FNBP1: variants seen among roughly 807,000 people sequenced by gnomAD.
The protein encoded by FNBP1 is formin binding protein 1.
FNBP1 carries 26 observed loss-of-function variants against 90.6 expected under a neutral mutation model. The ratio of observed to expected loss-of-function variants is 0.29; its 90% confidence interval spans 0.21 to 0.40. The LOEUF (loss-of-function observed/expected upper bound fraction) is 0.40, where lower values mean the gene tolerates loss of function less well. Among genes scored for constraint, FNBP1 ranks in the 10% least tolerant of loss-of-function variants. FNBP1 has a pLI of 1.00. For missense variants in FNBP1, 635 were observed against 768.0 expected, an observed-to-expected ratio of 0.83 and a Z score of 2.05; for synonymous variants, 260 against 265.2, an observed-to-expected ratio of 0.98 and a Z score of 0.19.
At chr9:129,897,788 C>T (rs1345438828) in intron 15 of FNBP1, among the ~76,000 whole-genome samples, 2 of 151,884 alleles carry the variant, frequency 1.3e-5, no homozygotes, top group South Asian at 2.1e-4. Context: ...TGCAGGACAT[C>T]GTTTCAAGGT....
At chr9:130,047,148 A>G (rs2060065166), upstream of FNBP1, among the ~76,000 whole-genome samples, 1 of 152,054 alleles carries the variant, frequency 6.6e-6, no homozygotes, top group Non-Finnish European at 1.5e-5. Flanking sequence ...GCACCATTAG[A>G]CTATGGCCAG....
At chr9:129,905,941 T>C (rs775252541) in intron 12 of FNBP1, among the ~76,000 whole-genome samples, 9 of 151,520 alleles carry the variant, frequency 5.9e-5, no homozygotes, top group Non-Finnish European at 1.2e-4. Context: ...TGGAATGTAA[T>C]GGCGCGATCT....
intron 6 of FNBP1, among the ~76,000 whole-genome samples, chr9:129,948,695 A>C (rs997057823): frequency 1.3e-5 from 2 of 152,022 alleles, no homozygotes; most frequent in Non-Finnish European, 2.9e-5. Context: ...GGCACGTGCC[A>C]CCATGCCCGG....
chr9:129,952,191 CA>C (rs2132639892), intron 6 of FNBP1, among the ~76,000 whole-genome samples: 1 of 149,264 alleles, frequency 6.7e-6, no homozygotes, highest in East Asian at 2.0e-4. Flanking sequence ...GACTCTATTT[CA>C]AAACAAAAAA....
intron 1 of FNBP1, among the ~76,000 whole-genome samples, chr9:130,030,816 G>A (rs2058738477): frequency 6.6e-6 from 1 of 152,162 alleles, no homozygotes; most frequent in Non-Finnish European, 1.5e-5. Flanking sequence ...AGGTTAGTGT[G>A]AGTCACCTCC....
In FNBP1 at chr9:130,043,024, G is replaced by A; in HGVS notation, c.-49C>T. On this transcript the variant is annotated 5_prime_UTR_variant, in exon 1 of 17. Transcript: ENST00000446176. ...CTCCGCGCGGCGGGCGCGGCTCTCT[G>A]GTCCCCCTCCCCGGCGATCCCTTTG... is the stretch of plus-strand genomic sequence containing the variant. 5 of 1,223,452 alleles carry A rather than the reference G, an allele frequency of 4.1e-6. No homozygotes were observed. The highest frequency in any genetic ancestry group is 5.1e-6 in the Non-Finnish European group (5 of 982,314). 75.8% of individuals were successfully genotyped at this position (1,223,452 alleles called of 1,614,324 possible).
At chr9:129,988,914 GA>G (rs556201300) in intron 2 of FNBP1, among the ~76,000 whole-genome samples, 1 of 151,860 alleles carries the variant, frequency 6.6e-6, no homozygotes, top group African/African-American at 2.4e-5. Flanking sequence ...CTGCAATGCA[GA>G]AAAAAAATAT....
intron 12 of FNBP1, 89 bp from the exon 13 acceptor site, chr9:129,903,090 T>C: frequency 7.7e-7 from 1 of 1,298,740 alleles, no homozygotes; most frequent in Non-Finnish European, 1.1e-6. Context: ...TGGAGTGCAA[T>C]GGTGCGATCT....
chr9:129,910,232 C>T, intron 11 of FNBP1: 1 of 455,380 alleles, frequency 2.2e-6, no homozygotes, highest in East Asian at 7.0e-5. Flanking sequence ...CCTGTAATTC[C>T]AGCACTTTGG....
At chr9:130,035,962 A>C (rs982632850) in intron 1 of FNBP1, among the ~76,000 whole-genome samples, 2 of 152,136 alleles carry the variant, frequency 1.3e-5, no homozygotes, top group Admixed American at 1.3e-4. Flanking sequence ...ACAAACAAAC[A>C]AAAACTTACA....
Position 130,026,434 on chromosome 9 carries a change from C to CAGTG in FNBP1, c.24+16514_24+16517dup, listed in dbSNP as rs534403817. On this transcript the variant is annotated intron_variant, in intron 1 of 16. Transcript: ENST00000446176. ...GCTTGAACCTGGGAGGCGGAGGTTG[C>CAGTG]AGTGAGCAGAGATCATACTACTGCA... Among the ~76,000 whole-genome samples, 9 of 152,092 alleles carry CAGTG rather than the reference C, an allele frequency of 5.9e-5. No individual in the cohort carries two copies. In the South Asian group the frequency reaches 1.9e-3, roughly 32 times the overall value.
At chr9:129,897,137 C>T (rs1412102117) in intron 15 of FNBP1, among the ~76,000 whole-genome samples, 2 of 152,188 alleles carry the variant, frequency 1.3e-5, no homozygotes, top group African/African-American at 4.8e-5. Context: ...CCTCTCTGTC[C>T]TCCCAGGAAT....
At chr9:130,038,427 T>C (rs1275720881) in intron 1 of FNBP1, among the ~76,000 whole-genome samples, 1 of 109,146 alleles carries the variant, frequency 9.2e-6, no homozygotes, top group African/African-American at 3.5e-5. Flanking sequence ...TGAGACAGAG[T>C]CGCTCTGTCG....
At chr9:129,958,367 G>C (rs1173780107) in intron 5 of FNBP1, 124 bp downstream of exon 5, 3 of 680,376 alleles carry the variant, frequency 4.4e-6, no homozygotes, top group Middle Eastern at 3.3e-4. Flanking sequence ...GGGAAGCAGA[G>C]GTTACAGTGA....
chr9:129,939,185 T>G (rs529708679), intron 6 of FNBP1, among the ~76,000 whole-genome samples: 123 of 152,116 alleles, frequency 8.1e-4, no homozygotes, highest in African/African-American at 2.9e-3. Flanking sequence ...GGTCAGGAGT[T>G]CAAGACCAGC....
At chr9:129,950,643 C>T (rs931957716) in intron 6 of FNBP1, among the ~76,000 whole-genome samples, 1 of 152,210 alleles carries the variant, frequency 6.6e-6, no homozygotes, top group African/African-American at 2.4e-5. Flanking sequence ...GACATTAATG[C>T]AGCTTGGTAA....
intron 6 of FNBP1, among the ~76,000 whole-genome samples, chr9:129,945,670 C>T (rs1054626750): frequency 9.9e-5 from 15 of 152,216 alleles, no homozygotes; most frequent in African/African-American, 3.6e-4. Context: ...CCAACTCCAT[C>T]CTGTTGGCTT....
At chr9:129,914,753 A>G (rs1361249005) in intron 11 of FNBP1, among the ~76,000 whole-genome samples, 1 of 86,352 alleles carries the variant, frequency 1.2e-5, no homozygotes, top group Non-Finnish European at 2.2e-5. Context: ...ATACATACAT[A>G]TGTCTATATA....
At chr9:129,898,626 A>ATT (rs2036244711) in intron 15 of FNBP1, among the ~76,000 whole-genome samples, 1 of 152,120 alleles carries the variant, frequency 6.6e-6, no homozygotes, top group Non-Finnish European at 1.5e-5. Context: ...AGTAGCTGGA[A>ATT]TTACAGGCAT....
Sources: gnomAD v4.1 joint callset for allele counts (sites outside exome capture counted in the v4.1 genomes callset) on GRCh38, gnomAD v4.1.1 for gene constraint, MANE v1.5 for transcripts, NCBI Gene and HGNC (gene_info 2026-07-23, HGNC 2026-07-21) for gene names.